BMPR1B: variants seen among roughly 807,000 people sequenced by gnomAD.
BMPR1B encodes the protein bone morphogenetic protein receptor type 1B.
Under a neutral mutation model 59.1 loss-of-function variants are expected in BMPR1B, and 12 were observed. That is an observed-to-expected ratio of 0.20 (90% CI 0.13 to 0.33). The LOEUF (loss-of-function observed/expected upper bound fraction) is 0.33. BMPR1B is among the 10% of genes least tolerant of loss of function. The pLI is 1.00. For missense variants in BMPR1B, 550 were observed against 610.9 expected (o/e 0.90, Z 1.05); for synonymous variants, 237 against 207.3 (o/e 1.14, Z -1.23).
chr4:94,859,008 T>A (rs1298056575), intron 1 of BMPR1B, among the ~76,000 whole-genome samples: 1 of 152,232 alleles, frequency 6.6e-6, no homozygotes, highest in Non-Finnish European at 1.5e-5. Context: ...TAGATAAGCA[T>A]GTCAACATAA....
intron 3 of BMPR1B, among the ~76,000 whole-genome samples, chr4:95,102,111 A>C (rs1012576616): frequency 6.6e-6 from 1 of 152,240 alleles, no homozygotes; most frequent in Non-Finnish European, 1.5e-5. Context: ...TGTAAATATG[A>C]GTTGTTATAA....
intron 2 of BMPR1B, among the ~76,000 whole-genome samples, chr4:94,901,807 C>T (rs1377930575): frequency 1.3e-5 from 2 of 151,958 alleles, no homozygotes; most frequent in Non-Finnish European, 2.9e-5. Context: ...TCTGACCCAA[C>T]ACTTCCATAG....
rs574180153 is a variant in BMPR1B at position 94,962,420 on chromosome 4, G to A, written c.-112-33620G>A. 7.9e-4 allele frequency among the ~76,000 whole-genome samples: 120 copies of A among 152,202 alleles called. 2 individuals carry two copies. In the South Asian group the frequency reaches 0.024, roughly 31 times the overall value. ...CCCAAAGTGCTAGGATTACAGGCTAGATCTTATTCTTTCTAGCAGTATGTT... is the reference window on the plus strand; with the variant it reads ...CCCAAAGTGCTAGGATTACAGGCTAAATCTTATTCTTTCTAGCAGTATGTT... On this transcript the variant is annotated intron_variant, in intron 2 of 12. Transcript: ENST00000515059.
intron 1 of BMPR1B, among the ~76,000 whole-genome samples, chr4:94,841,418 C>A (rs943868122): frequency 6.6e-6 from 1 of 151,860 alleles, no homozygotes; most frequent in Admixed American, 6.6e-5. Flanking sequence ...AGGGAGACTC[C>A]ATGGGCGTAG....
intron 1 of BMPR1B, among the ~76,000 whole-genome samples, chr4:94,850,348 A>G (rs986009172): frequency 2.6e-5 from 4 of 152,230 alleles, no homozygotes; most frequent in African/African-American, 9.6e-5. Context: ...TATAAAAAGC[A>G]CAATTGTGCT....
At chr4:95,043,281 T>C (rs1310194242) in intron 3 of BMPR1B, among the ~76,000 whole-genome samples, 1 of 151,978 alleles carries the variant, frequency 6.6e-6, no homozygotes, top group Non-Finnish European at 1.5e-5. Flanking sequence ...TCATGGTCTT[T>C]TAGTAGCATA....
chr4:95,033,419 T>A (rs1460233087), intron 3 of BMPR1B, among the ~76,000 whole-genome samples: 2 of 152,170 alleles, frequency 1.3e-5, no homozygotes, highest in Non-Finnish European at 2.9e-5. Context: ...TTTTATAGTT[T>A]TAGCTCTTAT....
At chr4:94,851,022 A>C (rs1725549131) in intron 1 of BMPR1B, among the ~76,000 whole-genome samples, 1 of 150,120 alleles carries the variant, frequency 6.7e-6, no homozygotes, top group African/African-American at 2.5e-5. Context: ...AAATAAACAG[A>C]TACTTCTATT....
At chr4:95,152,970 C>T (rs781581450) in intron 12 of BMPR1B, among the ~76,000 whole-genome samples, 197 bp downstream of exon 12, 35 of 152,058 alleles carry the variant, frequency 2.3e-4, no homozygotes, top group Non-Finnish European at 4.4e-4. Flanking sequence ...TTTATTTTGC[C>T]ACTTCCAGAA....
rs575467566 is a variant in BMPR1B, at chr4:94,791,049, G to A, written c.-183+32981G>A. On this transcript the variant is annotated intron_variant, in intron 1 of 12. Transcript: ENST00000515059. ...GTTACCTAGGCTAGAGTGCAGTGGC[G>A]TGATCTCAGCTCACTGCAACCTCCG... is the stretch of plus-strand genomic sequence containing the variant. Among the ~76,000 whole-genome samples, 440 of 152,168 alleles carry A rather than the reference G, an allele frequency of 2.9e-3. 1 individual carries two copies. Among genetic ancestry groups the A allele is most frequent in the African/African-American group, 1.0e-2 (414 of 41,532 alleles).
intron 2 of BMPR1B, among the ~76,000 whole-genome samples, chr4:94,900,188 T>C (rs1727756582): frequency 6.6e-6 from 1 of 151,882 alleles, no homozygotes; most frequent in Non-Finnish European, 1.5e-5. Context: ...CATGCACATT[T>C]TAGAAAGACA....
chr4:95,011,340 G>C (rs1383293871), intron 3 of BMPR1B, among the ~76,000 whole-genome samples: 1 of 152,152 alleles, frequency 6.6e-6, no homozygotes, highest in Non-Finnish European at 1.5e-5. Context: ...TTCTGTCCCT[G>C]TGTTAGTTTG....
intron 2 of BMPR1B, among the ~76,000 whole-genome samples, chr4:94,941,149 C>T (rs766523231): frequency 2.0e-5 from 3 of 152,006 alleles, no homozygotes; most frequent in Non-Finnish European, 2.9e-5. Context: ...ATATGAAGGA[C>T]GGGTGCGCAG....
At chr4:95,019,138 A>G (rs538506280) in intron 3 of BMPR1B, among the ~76,000 whole-genome samples, 1 of 152,320 alleles carries the variant, frequency 6.6e-6, no homozygotes, top group African/African-American at 2.4e-5. Flanking sequence ...AGTAATTCAC[A>G]TGAATGGAAG....
intron 1 of BMPR1B, among the ~76,000 whole-genome samples, chr4:94,826,257 T>C (rs1336074610): frequency 2.0e-5 from 3 of 152,164 alleles, no homozygotes; most frequent in Non-Finnish European, 2.9e-5. Context: ...TTCGGTAGAG[T>C]TGATAACTGG....
At chr4:95,150,363 A>G (rs944821375) in intron 11 of BMPR1B, among the ~76,000 whole-genome samples, 1 of 151,710 alleles carries the variant, frequency 6.6e-6, no homozygotes, top group Non-Finnish European at 1.5e-5. Flanking sequence ...CATTCCCAGC[A>G]TTTTGGGAGT....
chr4:95,082,072 T>A (rs1037518442), intron 3 of BMPR1B, among the ~76,000 whole-genome samples: 1 of 151,464 alleles, frequency 6.6e-6, no homozygotes, highest in South Asian at 2.1e-4. Context: ...CATGCTGGTG[T>A]GCTGCACCCA....
At chr4:94,811,194 G>GGTTTTCTGACCAA (rs1723799649) in intron 1 of BMPR1B, among the ~76,000 whole-genome samples, 1 of 151,966 alleles carries the variant, frequency 6.6e-6, no homozygotes, top group Non-Finnish European at 1.5e-5. Context: ...ATAAAGTCCA[G>GGTTTTCTGACCAA]AACAGGTTTT....
chr4:95,020,924 C>T lies in BMPR1B; in HGVS notation c.-18+24790C>T, dbSNP rs142306719. Among the ~76,000 whole-genome samples, 515 of 152,170 alleles carry T rather than the reference C, an allele frequency of 3.4e-3. 3 individuals carry two copies. Among genetic ancestry groups the T allele is most frequent in the African/African-American group, 0.012 (489 of 41,512 alleles). On this transcript the variant is annotated intron_variant, in intron 3 of 12. Transcript: ENST00000515059. Reference sequence around the variant, plus strand: ...AGAGATGAGGTCTTGCTTTGTTGCCCAGGCTGATCTCAAACTCCTGGCCTC... The same window carrying T: ...AGAGATGAGGTCTTGCTTTGTTGCCTAGGCTGATCTCAAACTCCTGGCCTC...
Sources: allele counts gnomAD v4.1 joint callset (sites outside exome capture counted in the v4.1 genomes callset), GRCh38; gene constraint gnomAD v4.1.1; transcripts MANE v1.5; gene names NCBI Gene and HGNC (gene_info 2026-07-23, HGNC 2026-07-21).